Variants in CSMD1 observed in about 807,000 individuals in gnomAD.
CSMD1 encodes the protein CUB and Sushi multiple domains 1.
CSMD1 carries 213 observed loss-of-function variants against 417.5 expected under a neutral mutation model. The ratio of observed to expected loss-of-function variants is 0.51; its 90% CI spans 0.46 to 0.57. CSMD1 has a LOEUF of 0.57. Ranked by LOEUF, CSMD1 falls within the 20% of genes least tolerant of loss-of-function variation. The pLI is 0.00. For synonymous variants in CSMD1, 2,862 were observed against 1,736.8 expected, an observed-to-expected ratio of 1.65 and a Z score of -16.11; for missense variants, 6,923 against 4,529.7, an observed-to-expected ratio of 1.53 and a Z score of -15.17.
intron 8 of CSMD1, among the ~76,000 whole-genome samples, chr8:3,616,009 G>T (rs1450542646): frequency 6.6e-6 from 1 of 152,068 alleles, no homozygotes; most frequent in Admixed American, 6.6e-5. Context: ...AAAATGATAT[G>T]CATTTTCTGA....
intron 2 of CSMD1, among the ~76,000 whole-genome samples, chr8:4,562,833 T>G (rs976345518): frequency 6.6e-6 from 1 of 152,204 alleles, no homozygotes; most frequent in South Asian, 2.1e-4. Context: ...TGTTAGAATA[T>G]CAGGAAGAAT....
At chr8:3,308,663 G>A (rs1458997434) in intron 23 of CSMD1, among the ~76,000 whole-genome samples, 160 bp from the exon 24 acceptor site, 4 of 151,790 alleles carry the variant, frequency 2.6e-5, no homozygotes, top group African/African-American at 4.8e-5. Context: ...GGTCTGTACT[G>A]GGGCTATTTG....
rs1407434425 is a variant in CSMD1, at chr8:3,527,033, C to T, written c.1345-33307G>A. 2.6e-5 allele frequency among the ~76,000 whole-genome samples: 4 copies of T among 152,090 alleles called. No homozygotes were observed. In the East Asian group the frequency reaches 7.7e-4, roughly 29 times the overall value. On this transcript the variant is annotated intron_variant, in intron 10 of 69. Transcript: ENST00000635120. ...TCTCCCTACTCAGAATGTGGCTGGGCTGCAGTTGTCGTATGCATGCCGGGT... is the reference window on the plus strand; with the variant it reads ...TCTCCCTACTCAGAATGTGGCTGGGTTGCAGTTGTCGTATGCATGCCGGGT...
intron 26 of CSMD1, among the ~76,000 whole-genome samples, chr8:3,236,109 A>G (rs1799140637): frequency 6.6e-6 from 1 of 151,786 alleles, no homozygotes; most frequent in Non-Finnish European, 1.5e-5. Context: ...TAGTAGAGAC[A>G]GGGTTTCACC....
Position 4,265,707 on chromosome 8 carries a change from G to A in CSMD1, c.415+154246C>T, listed in dbSNP as rs1320431583. 1.9e-5 allele frequency among the ~76,000 whole-genome samples: 2 copies of A among 104,514 alleles called. 1 individual carries two copies. Among genetic ancestry groups the A allele is most frequent in the Admixed American group, 1.8e-4 (2 of 10,958 alleles). 68.6% of individuals were successfully genotyped at this position (104,514 alleles called of 152,430 possible). On this transcript the variant is annotated intron_variant, in intron 3 of 69. Transcript: ENST00000635120. ...TGAACAGTATTATTTGACATGTTAC[G>A]ATTAGGAAACAGTTAATGCAACATA... is the stretch of plus-strand genomic sequence containing the variant.
rs186201950 is a variant in CSMD1, at chr8:4,035,434, G to T, written c.416-3335C>A. On this transcript the variant is annotated intron_variant, in intron 3 of 69. Transcript: ENST00000635120. ...TTTACTGTAAAACAACCTTAGTCAG[G>T]TCCTTCAGGAAGGATTCCAAAAGGA... Among the ~76,000 whole-genome samples the T allele has an allele frequency of 3.9e-5, 6 of 152,162 alleles. No homozygotes were observed. The East Asian group carries it at 9.6e-4, about 24-fold the overall frequency.
chr8:4,418,041 C>T (rs1797042539), intron 3 of CSMD1, among the ~76,000 whole-genome samples: 1 of 151,818 alleles, frequency 6.6e-6, no homozygotes, highest in Non-Finnish European at 1.5e-5. Context: ...TGCAGGAGAC[C>T]TGGAAGCTAA....
chr8:3,491,861 G>C (rs1818398714), intron 11 of CSMD1, among the ~76,000 whole-genome samples: 1 of 152,228 alleles, frequency 6.6e-6, no homozygotes, highest in Admixed American at 6.5e-5. Flanking sequence ...GGTACCCCGA[G>C]TCCAGCGGAG....
chr8:4,237,755 C>T (rs186165306), intron 3 of CSMD1, among the ~76,000 whole-genome samples: 1 of 152,256 alleles, frequency 6.6e-6, no homozygotes, highest in Admixed American at 6.5e-5. Context: ...TCAAGTGATC[C>T]TTCTTCCTCA....
At chr8:3,811,738 G>A (rs770724151) in intron 5 of CSMD1, among the ~76,000 whole-genome samples, 20 of 152,142 alleles carry the variant, frequency 1.3e-4, no homozygotes, top group Middle Eastern at 3.4e-3. Flanking sequence ...ACAATGCGGC[G>A]GAGAAAGGGA....
At chr8:3,200,294 C>T (rs572856077) in intron 32 of CSMD1, among the ~76,000 whole-genome samples, 22 of 152,118 alleles carry the variant, frequency 1.4e-4, no homozygotes, top group African/African-American at 5.1e-4. Flanking sequence ...GTGGCTCACA[C>T]CTGTAATCCC....
chr8:4,174,409 T>C (rs996162526), intron 3 of CSMD1, among the ~76,000 whole-genome samples: 16 of 151,988 alleles, frequency 1.1e-4, no homozygotes, highest in Middle Eastern at 3.4e-3. Context: ...TTAAGAGAAA[T>C]TGCACTTCAC....
chr8:3,880,121 A>G (rs925518951), intron 5 of CSMD1, among the ~76,000 whole-genome samples: 5 of 152,108 alleles, frequency 3.3e-5, no homozygotes, highest in Admixed American at 6.6e-5. Flanking sequence ...TACTGTCACA[A>G]GTTTCTACTG....
intron 12 of CSMD1, among the ~76,000 whole-genome samples, chr8:3,453,284 T>A (rs1412966715): frequency 1.3e-5 from 2 of 152,226 alleles, no homozygotes; most frequent in Non-Finnish European, 2.9e-5. Context: ...TCATTTTTTT[T>A]GAAGGGTTTT....
At chr8:4,993,179 A>G (rs1326869194) in intron 1 of CSMD1, among the ~76,000 whole-genome samples, 1 of 152,218 alleles carries the variant, frequency 6.6e-6, no homozygotes, top group East Asian at 1.9e-4. Flanking sequence ...AATATTATGT[A>G]GGGAAAAAAG....
intron 3 of CSMD1, among the ~76,000 whole-genome samples, chr8:4,045,291 G>A (rs1007486245): frequency 2.0e-5 from 3 of 152,172 alleles, no homozygotes; most frequent in South Asian, 2.1e-4. Context: ...TATACTACAG[G>A]AATTCTGTCC....
At chr8:4,015,661 T>TAAAAAAAAA (rs11371186) in intron 4 of CSMD1, among the ~76,000 whole-genome samples, 9 of 97,464 alleles carry the variant, frequency 9.2e-5, no homozygotes, top group East Asian at 3.0e-4. Flanking sequence ...GTTTGAATCT[T>TAAAAAAAAA]AAAAAAAAAA....
intron 10 of CSMD1, among the ~76,000 whole-genome samples, chr8:3,512,607 T>TC (rs1797123765): frequency 6.6e-6 from 1 of 150,534 alleles, no homozygotes; most frequent in South Asian, 2.1e-4. Flanking sequence ...TTTCTTTTTT[T>TC]TTTTTTTTTT....
chr8:3,480,088 G>A (rs561887319), intron 11 of CSMD1, among the ~76,000 whole-genome samples: 14 of 152,264 alleles, frequency 9.2e-5, no homozygotes, highest in Admixed American at 4.6e-4. Context: ...GCCGGGAGTG[G>A]TGACTCACAT....
Sources: gnomAD v4.1 joint callset for allele counts (sites outside exome capture counted in the v4.1 genomes callset) on GRCh38, gnomAD v4.1.1 for gene constraint, MANE v1.5 for transcripts, NCBI Gene and HGNC (gene_info 2026-07-23, HGNC 2026-07-21) for gene names.